Variants in TSEN2 observed in about 807,000 individuals in gnomAD.
TSEN2 encodes tRNA splicing endonuclease subunit 2.
A neutral mutation model predicts 59.2 loss-of-function variants in TSEN2; 54 were observed. The observed-to-expected ratio is 0.91, with a 90% CI of 0.73 to 1.14. The LOEUF (loss-of-function observed/expected upper bound fraction) is 1.14. Among genes scored for constraint, TSEN2 ranks in the 50% most tolerant of loss-of-function variants. TSEN2 has a pLI of 0.00. For synonymous variants in TSEN2, 195 were observed against 198.2 expected (o/e 0.98, Z 0.14); for missense variants, 636 against 576.2 (o/e 1.10, Z -1.06).
chr3:12,492,793 A>G (rs755289974), intron 3 of TSEN2, among the ~76,000 whole-genome samples: 1 of 152,220 alleles, frequency 6.6e-6, no homozygotes. Flanking sequence ...AAAGTCTGAC[A>G]ATATACTGCA....
At chr3:12,485,235 G>T (rs1024672821) in intron 1 of TSEN2, among the ~76,000 whole-genome samples, 2 of 152,152 alleles carry the variant, frequency 1.3e-5, no homozygotes, top group Admixed American at 1.3e-4. Flanking sequence ...GGTTTGTTTG[G>T]CACCTAGTCC....
chr3:12,505,398 C>T (rs1242836788), intron 6 of TSEN2, 167 bp downstream of exon 6: 1 of 633,414 alleles, frequency 1.6e-6, no homozygotes, highest in Non-Finnish European at 2.9e-6. Context: ...GCCTTTCACT[C>T]CTCAGCCTTT....
chr3:12,506,031 G>C (rs113525119), intron 6 of TSEN2, among the ~76,000 whole-genome samples: 55 of 152,204 alleles, frequency 3.6e-4, no homozygotes, highest in African/African-American at 1.2e-3. Context: ...CCGGGGGTAG[G>C]GGGGTGGAAA....
At chr3:12,511,779 C>T (rs2055489010) in intron 6 of TSEN2, among the ~76,000 whole-genome samples, 1 of 152,186 alleles carries the variant, frequency 6.6e-6, no homozygotes, top group South Asian at 2.1e-4. Flanking sequence ...GTTGTCCAGG[C>T]TGGTTTCAAA....
intron 6 of TSEN2, among the ~76,000 whole-genome samples, chr3:12,513,889 A>G (rs1282818669): frequency 6.6e-6 from 1 of 152,212 alleles, no homozygotes; most frequent in African/African-American, 2.4e-5. Context: ...CTGAGAAGAG[A>G]TGAGCTGAGT....
chr3:12,538,950 G>A, intron 10 of TSEN2: 1 of 315,392 alleles, frequency 3.2e-6, no homozygotes, highest in South Asian at 2.4e-5. Context: ...CCATGTGTCG[G>A]GTCAGGCAAA....
intron 4 of TSEN2, among the ~76,000 whole-genome samples, chr3:12,499,816 G>T: frequency 6.6e-6 from 1 of 152,174 alleles, no homozygotes; most frequent in East Asian, 1.9e-4. Flanking sequence ...ACAATTGGAA[G>T]AACTGAACAC....
At chr3:12,509,879 TCATGTAGAAA>T (rs2055247955) in intron 6 of TSEN2, among the ~76,000 whole-genome samples, 1 of 152,166 alleles carries the variant, frequency 6.6e-6, no homozygotes, top group African/African-American at 2.4e-5. Context: ...CATGTTCTCT[TCATGTAGAAA>T]ATTCAGATGC....
chr3:12,522,141 T>A (rs2655260), intron 8 of TSEN2, among the ~76,000 whole-genome samples: 1 of 151,586 alleles, frequency 6.6e-6, no homozygotes, highest in South Asian at 2.1e-4. Context: ...ATACTGTGGT[T>A]CTTTTGTCTG....
At chr3:12,497,422 C>A (rs1384945023) in intron 4 of TSEN2, among the ~76,000 whole-genome samples, 2 of 152,200 alleles carry the variant, frequency 1.3e-5, no homozygotes, top group East Asian at 3.8e-4. Context: ...AACCCCATAG[C>A]CAGCGGGGTG....
intron 8 of TSEN2, among the ~76,000 whole-genome samples, chr3:12,521,936 A>G (rs1470938431): frequency 6.6e-6 from 1 of 151,866 alleles, no homozygotes; most frequent in Non-Finnish European, 1.5e-5. Flanking sequence ...GCGTGAACCC[A>G]GGAGGCGGAG....
At chr3:12,521,491 G>A (rs1283134110) in intron 8 of TSEN2, among the ~76,000 whole-genome samples, 1 of 152,172 alleles carries the variant, frequency 6.6e-6, no homozygotes, top group African/African-American at 2.4e-5. Context: ...GAGGCAGGTG[G>A]GTCACCTGAG....
At chr3:12,503,916 C>A in intron 5 of TSEN2, 132 bp downstream of exon 5, 4 of 1,193,076 alleles carry the variant, frequency 3.4e-6, no homozygotes, top group Non-Finnish European at 4.7e-6. Context: ...AGGCTTTGGG[C>A]CACAGCAGCT....
At chr3:12,506,834 A>AG in intron 6 of TSEN2, 1 of 985,374 alleles carries the variant, frequency 1.0e-6, no homozygotes, top group Non-Finnish European at 1.2e-6. Flanking sequence ...CTTGGCATAC[A>AG]GGTAGGTCCC....
In TSEN2 at chr3:12,523,108, A is replaced by G. The variant is rs566945996; in HGVS notation, c.1099+3911A>G. Among the ~76,000 whole-genome samples, 10 of 152,254 alleles carry G rather than the reference A, an allele frequency of 6.6e-5. No homozygotes were observed. In the East Asian group the frequency reaches 1.5e-3, roughly 23 times the overall value. Reference sequence around the variant, plus strand: ...ACACAGATTAGGGCTCTGTGGGTCTATCCTCCCTATCTTCCTACCATACCT... The same window carrying G: ...ACACAGATTAGGGCTCTGTGGGTCTGTCCTCCCTATCTTCCTACCATACCT... On this transcript the variant is annotated intron_variant, in intron 8 of 11. Transcript: ENST00000284995.
chr3:12,534,378 C>T (rs1161243879), downstream of TSEN2, among the ~76,000 whole-genome samples: 1 of 152,126 alleles, frequency 6.6e-6, no homozygotes, highest in African/African-American at 2.4e-5. Context: ...GTGAAATGAA[C>T]CTTCTAGAAA....
intron 8 of TSEN2, among the ~76,000 whole-genome samples, chr3:12,527,103 A>G (rs1033723084): frequency 3.9e-5 from 6 of 152,258 alleles, no homozygotes; most frequent in African/African-American, 1.4e-4. Context: ...GTTTCTTTCC[A>G]GTACACTCCA....
chr3:12,509,155 A>G (rs896547675), intron 6 of TSEN2, among the ~76,000 whole-genome samples: 4 of 151,698 alleles, frequency 2.6e-5, no homozygotes, highest in Non-Finnish European at 5.9e-5. Flanking sequence ...TAATGCTGTC[A>G]TGAAGTTAGG....
chr3:12,513,671 A>G (rs2055738877), intron 6 of TSEN2, among the ~76,000 whole-genome samples: 1 of 152,164 alleles, frequency 6.6e-6, no homozygotes, highest in Non-Finnish European at 1.5e-5. Context: ...AGAAGTGCAA[A>G]TTGTGGTAAA....
Sources: gnomAD v4.1 joint callset for allele counts (sites outside exome capture counted in the v4.1 genomes callset) on GRCh38, gnomAD v4.1.1 for gene constraint, MANE v1.5 for transcripts, NCBI Gene and HGNC (gene_info 2026-07-23, HGNC 2026-07-21) for gene names.